The following SDHAF3 variants were observed in gnomAD, a reference collection of about 807,000 sequenced individuals.
The protein encoded by SDHAF3 is succinate dehydrogenase assembly factor 3, mitochondrial.
In SDHAF3, 18 loss-of-function variants were observed where a neutral mutation model predicts 11.5. That is an observed-to-expected ratio of 1.56 (90% CI 1.08 to 2.32). SDHAF3 has a LOEUF of 2.32. Ranked by LOEUF, SDHAF3 falls within the 30% of genes most tolerant of loss-of-function variation. SDHAF3 has a pLI of 0.00. For synonymous variants in SDHAF3, 72 were observed against 59.3 expected (o/e 1.21, Z -0.99); for missense variants, 200 against 154.4 (o/e 1.30, Z -1.57).
intron 1 of SDHAF3, among the ~76,000 whole-genome samples, chr7:97,118,797 A>G (rs147257151): frequency 2.6e-3 from 397 of 152,324 alleles, no homozygotes; most frequent in African/African-American, 9.1e-3. Context: ...AAAAAAATCA[A>G]AAGAATGGTT....
At chr7:97,180,956 A>G in intron 1 of SDHAF3, 56 bp from the exon 2 acceptor site, 4 of 1,446,980 alleles carry the variant, frequency 2.8e-6, no homozygotes, top group South Asian at 1.3e-5. Context: ...CAAGTCCTCT[A>G]ATGTTAAATA....
intron 1 of SDHAF3, among the ~76,000 whole-genome samples, chr7:97,175,452 G>T (rs1318406525): frequency 6.6e-6 from 1 of 152,042 alleles, no homozygotes; most frequent in Non-Finnish European, 1.5e-5. Flanking sequence ...TCCCCTCTTT[G>T]TGTTCGTGAG....
chr7:97,124,346 A>G (rs947754764), intron 1 of SDHAF3, among the ~76,000 whole-genome samples: 4 of 152,088 alleles, frequency 2.6e-5, no homozygotes, highest in South Asian at 2.1e-4. Context: ...TGTTCTATTC[A>G]TCTATATGTC....
chr7:97,163,168 C>CTTTTTTTTT (rs58956333), intron 1 of SDHAF3, among the ~76,000 whole-genome samples: 4 of 125,012 alleles, frequency 3.2e-5, no homozygotes, highest in East Asian at 2.4e-4. Flanking sequence ...GTTTAAAGTC[C>CTTTTTTTTT]TTTTTTTTTT....
chr7:97,169,510 C>G (rs1220298780), intron 1 of SDHAF3, among the ~76,000 whole-genome samples: 1 of 151,970 alleles, frequency 6.6e-6, no homozygotes, highest in Non-Finnish European at 1.5e-5. Flanking sequence ...TTGGTGACAG[C>G]TATAATGTAA....
chr7:97,129,476 G>A (rs892735573), intron 1 of SDHAF3, among the ~76,000 whole-genome samples: 3 of 152,148 alleles, frequency 2.0e-5, no homozygotes, highest in African/African-American at 7.2e-5. Flanking sequence ...AGTCATTATG[G>A]ATTATTCCTT....
chr7:97,140,612 G>A (rs554360931), intron 1 of SDHAF3, among the ~76,000 whole-genome samples: 224 of 152,068 alleles, frequency 1.5e-3, no homozygotes, highest in African/African-American at 4.9e-3. Flanking sequence ...AATTTCTTAC[G>A]CCTGTCTTTA....
intron 1 of SDHAF3, among the ~76,000 whole-genome samples, chr7:97,155,547 AATT>A (rs1439559051): frequency 5.9e-5 from 9 of 152,156 alleles, no homozygotes; most frequent in African/African-American, 2.2e-4. Context: ...TATTTATGGC[AATT>A]ATTATGCACT....
At chr7:97,125,979 G>A (rs2115623303) in intron 1 of SDHAF3, among the ~76,000 whole-genome samples, 1 of 152,240 alleles carries the variant, frequency 6.6e-6, no homozygotes, top group Non-Finnish European at 1.5e-5. Flanking sequence ...ATTTACTTTG[G>A]ATGGGGTTTT....
chr7:97,143,453 C>T (rs560572235), intron 1 of SDHAF3, among the ~76,000 whole-genome samples: 4 of 152,052 alleles, frequency 2.6e-5, no homozygotes, highest in Admixed American at 2.6e-4. Flanking sequence ...CCCTCACACC[C>T]CTCCCACTCT....
chr7:97,137,469 G>C (rs1220168617), intron 1 of SDHAF3, among the ~76,000 whole-genome samples: 1 of 152,184 alleles, frequency 6.6e-6, no homozygotes, highest in Non-Finnish European at 1.5e-5. Context: ...TCAAGTCAAG[G>C]ATATGGAGAA....
In SDHAF3 at chr7:97,155,596, C is replaced by A. The variant is rs142330040; in HGVS notation, c.175-25416C>A. Among the ~76,000 whole-genome samples the A allele has an allele frequency of 3.3e-5, 5 of 152,256 alleles. No individual in the cohort carries two copies. In the East Asian group the frequency reaches 9.6e-4, roughly 29 times the overall value. On this transcript the variant is annotated intron_variant, in intron 1 of 1. Transcript: ENST00000432641. Reference sequence around the variant, plus strand: ...CATTATATTGTGTGGTGATTAACTACCTTATTACTTGTTTGCTTTCCCACT... The same window carrying A: ...CATTATATTGTGTGGTGATTAACTAACTTATTACTTGTTTGCTTTCCCACT...
chr7:97,152,628 G>A (rs1180498535), intron 1 of SDHAF3, among the ~76,000 whole-genome samples: 1 of 118,788 alleles, frequency 8.4e-6, no homozygotes, highest in Non-Finnish European at 1.7e-5. Context: ...TGACTTCTGA[G>A]CCATTATTTT....
At chr7:97,176,991 G>T (rs1230563516) in intron 1 of SDHAF3, among the ~76,000 whole-genome samples, 1 of 151,830 alleles carries the variant, frequency 6.6e-6, no homozygotes, top group African/African-American at 2.4e-5. Flanking sequence ...TCCTGATGTT[G>T]GTTGTTTCCA....
intron 1 of SDHAF3, among the ~76,000 whole-genome samples, chr7:97,148,751 A>T (rs1789172959): frequency 6.6e-6 from 1 of 152,182 alleles, no homozygotes; most frequent in South Asian, 2.1e-4. Context: ...ATATGTGCGT[A>T]AGATAACCTA....
At chr7:97,179,699 C>T (rs1584237846) in intron 1 of SDHAF3, among the ~76,000 whole-genome samples, 2 of 152,124 alleles carry the variant, frequency 1.3e-5, no homozygotes, top group African/African-American at 4.8e-5. Flanking sequence ...CAGACTCTCA[C>T]TGACCCCTCC....
chr7:97,174,329 A>G, intron 1 of SDHAF3, among the ~76,000 whole-genome samples: 1 of 152,268 alleles, frequency 6.6e-6, no homozygotes, highest in East Asian at 1.9e-4. Context: ...TTGCAAAGAT[A>G]GTACAGATTC....
chr7:97,119,998 G>T lies in SDHAF3; in HGVS notation c.174+2101G>T, dbSNP rs562733000. ...CTTGGTTAAAGTAATAATCCACGTG[G>T]TGTCTCTACTGTAAACTTACTATTT... On this transcript the variant is annotated intron_variant, in intron 1 of 1. Coordinates refer to ENST00000432641, the MANE Select transcript of SDHAF3 (RefSeq NM_020186.3). Among the ~76,000 whole-genome samples the T allele has an allele frequency of 2.0e-5, 3 of 152,236 alleles. 1 individual carries two copies. Among genetic ancestry groups the T allele is most frequent in the Admixed American group, 2.0e-4 (3 of 15,300 alleles).
At chr7:97,142,890 CTT>C (rs35198717) in intron 1 of SDHAF3, 22 of 87,072 alleles carry the variant, frequency 2.5e-4, no homozygotes, top group African/African-American at 4.8e-4. Context: ...TTCTTAAATT[CTT>C]TTTTTTTTTT....
Sources: gnomAD v4.1 joint callset for allele counts (sites outside exome capture counted in the v4.1 genomes callset) on GRCh38, gnomAD v4.1.1 for gene constraint, MANE v1.5 for transcripts, NCBI Gene and HGNC (gene_info 2026-07-23, HGNC 2026-07-21) for gene names.